Variants in GPR158 observed in about 807,000 individuals in gnomAD.
GPR158 encodes metabotropic glycine receptor.
In GPR158, 30 loss-of-function variants were observed where a neutral mutation model predicts 78.2. The ratio of observed to expected loss-of-function variants is 0.38; its 90% CI spans 0.29 to 0.52. The LOEUF is 0.52. Ranked by LOEUF, GPR158 falls within the 20% of genes least tolerant of loss-of-function variation. The pLI is 0.83. For synonymous variants in GPR158, 581 were observed against 591.1 expected, an observed-to-expected ratio of 0.98 and a Z score of 0.25; for missense variants, 1,463 against 1,523.5, an observed-to-expected ratio of 0.96 and a Z score of 0.66.
chr10:25,593,626 T>C (rs1172750272), intron 8 of GPR158, among the ~76,000 whole-genome samples: 4 of 151,984 alleles, frequency 2.6e-5, no homozygotes, highest in Non-Finnish European at 5.9e-5. Flanking sequence ...TAGTATTGAA[T>C]TTCTCCTCAC....
chr10:25,382,834 A>T (rs1461596406), intron 2 of GPR158, among the ~76,000 whole-genome samples: 1 of 151,730 alleles, frequency 6.6e-6, no homozygotes, highest in Non-Finnish European at 1.5e-5. Flanking sequence ...TTTTATTTTT[A>T]TTTATTTATT....
Position 25,368,384 on chromosome 10 carries a change from G to T in GPR158, c.1009-27527G>T, listed in dbSNP as rs1234958437. Among the ~76,000 whole-genome samples, 4 of 151,736 alleles carry T rather than the reference G, an allele frequency of 2.6e-5. 1 individual carries two copies. Among genetic ancestry groups the T allele is most frequent in the South Asian group, 2.1e-4 (1 of 4,820 alleles). On this transcript the variant is annotated intron_variant, in intron 2 of 10. Transcript: ENST00000376351. ...TATATCTAGCATCTATGAGAAATTTGTAAGAAAAAAGCAAATAACCTCATT... is the reference window on the plus strand; with the variant it reads ...TATATCTAGCATCTATGAGAAATTTTTAAGAAAAAAGCAAATAACCTCATT...
At chr10:25,562,301 T>A (rs1836870514) in intron 6 of GPR158, among the ~76,000 whole-genome samples, 1 of 152,126 alleles carries the variant, frequency 6.6e-6, no homozygotes, top group African/African-American at 2.4e-5. Flanking sequence ...ATTTCAATTA[T>A]TTTCACTCTA....
chr10:25,331,458 T>A lies in GPR158; in HGVS notation c.1009-64453T>A, dbSNP rs541311589. Among the ~76,000 whole-genome samples the A allele has an allele frequency of 3.2e-4, 48 of 152,332 alleles. No individual in the cohort carries two copies. In the South Asian group the frequency reaches 3.7e-3, roughly 12 times the overall value. On this transcript the variant is annotated intron_variant, in intron 2 of 10. Transcript: ENST00000376351. ...ATAACTTAATGTTGTTTTGGTGTGATCAGCTGGTTTTGATCTGTCTAGCAT... is the reference window on the plus strand; with the variant it reads ...ATAACTTAATGTTGTTTTGGTGTGAACAGCTGGTTTTGATCTGTCTAGCAT...
At chr10:25,571,521 C>T (rs1383979838) in intron 6 of GPR158, among the ~76,000 whole-genome samples, 8 of 152,082 alleles carry the variant, frequency 5.3e-5, no homozygotes, top group Admixed American at 2.6e-4. Context: ...GAGAATAGAA[C>T]ATTGAGAAAA....
chr10:25,386,961 T>G (rs751952605), intron 2 of GPR158, among the ~76,000 whole-genome samples: 6 of 152,194 alleles, frequency 3.9e-5, no homozygotes, highest in Non-Finnish European at 8.8e-5. Flanking sequence ...TTGGATGCCC[T>G]TTAGTTTTTT....
intron 2 of GPR158, among the ~76,000 whole-genome samples, chr10:25,230,718 A>G (rs756041234): frequency 1.3e-5 from 2 of 152,192 alleles, no homozygotes; most frequent in African/African-American, 4.8e-5. Context: ...GTTTACCTCA[A>G]TGTAACTGGA....
chr10:25,582,794 G>T (rs1351272972), intron 7 of GPR158, among the ~76,000 whole-genome samples: 3 of 152,096 alleles, frequency 2.0e-5, no homozygotes, highest in African/African-American at 7.2e-5. Flanking sequence ...ACAGTGCCCG[G>T]GTCCATTCAA....
chr10:25,483,558 G>A (rs1397459071), intron 5 of GPR158, among the ~76,000 whole-genome samples: 2 of 151,706 alleles, frequency 1.3e-5, no homozygotes, highest in Admixed American at 1.3e-4. Context: ...TTTCTTACAC[G>A]TACTTATTTA....
chr10:25,219,031 T>A (rs1297048292), intron 1 of GPR158, among the ~76,000 whole-genome samples: 1 of 152,140 alleles, frequency 6.6e-6, no homozygotes, highest in African/African-American at 2.4e-5. Context: ...ACTGAATCAG[T>A]GAAAGAAAGT....
In GPR158 at chr10:25,228,806, C is replaced by T. The variant is rs186299016; in HGVS notation, c.1008+7649C>T. ...CAGCACTTTGGGAGGCCAAGGCAGACGGATCACGAGGTCAGGAGATGGAAA... is the reference window on the plus strand; with the variant it reads ...CAGCACTTTGGGAGGCCAAGGCAGATGGATCACGAGGTCAGGAGATGGAAA... On this transcript the variant is annotated intron_variant, in intron 2 of 10. Coordinates refer to ENST00000376351, the MANE Select transcript of GPR158 (RefSeq NM_020752.3). Among the ~76,000 whole-genome samples the T allele has an allele frequency of 4.3e-3, 646 of 151,962 alleles. 4 individuals are homozygous for T. The highest frequency in any genetic ancestry group is 0.014 in the African/African-American group (565 of 41,446).
intron 5 of GPR158, among the ~76,000 whole-genome samples, chr10:25,495,295 CTTTTTTTTTTT>C (rs71399976): frequency 3.3e-5 from 3 of 91,096 alleles, no homozygotes; most frequent in African/African-American, 1.3e-4. Flanking sequence ...TTCTTTTCTG[CTTTTTTTTTTT>C]TTTTTTTTTG....
At chr10:25,492,669 G>A (rs954993312) in intron 5 of GPR158, among the ~76,000 whole-genome samples, 2 of 151,908 alleles carry the variant, frequency 1.3e-5, no homozygotes, top group South Asian at 2.1e-4. Context: ...TAATGTGAAC[G>A]TGGTCCATGC....
chr10:25,412,463 G>T lies in GPR158; in HGVS notation c.1325G>T (p.Arg442Leu), dbSNP rs747936646. 1.2e-6 allele frequency: 2 copies of T among 1,611,910 alleles called. No individual in the cohort carries two copies. The highest frequency in any genetic ancestry group is 1.7e-6 in the Non-Finnish European group (2 of 1,178,286). Residue 442 changes from arginine (R) to leucine (L), a missense_variant, in exon 4 of 11, where the codon CGC becomes CTC. Physicochemically the swap from Arg to Leu is moderately radical, Grantham distance 102. Coordinates refer to ENST00000376351, the MANE Select transcript of GPR158 (RefSeq NM_020752.3). ...AGCATGCTGGTGGTCTACCACTTTC[G>T]CAAAGCAAAGGTAAACCCAGGAACC... ...FVSMLVVYHFRKAKSIRASGL... is the reference protein window; with the variant it reads ...FVSMLVVYHFLKAKSIRASGL...
At chr10:25,252,656 A>G (rs1167357662) in intron 2 of GPR158, among the ~76,000 whole-genome samples, 2 of 152,162 alleles carry the variant, frequency 1.3e-5, no homozygotes, top group Non-Finnish European at 2.9e-5. Flanking sequence ...CCACTTGAAG[A>G]GGCAGTCTGC....
chr10:25,374,374 A>T (rs994188605), intron 2 of GPR158, among the ~76,000 whole-genome samples: 3 of 151,648 alleles, frequency 2.0e-5, no homozygotes, highest in Non-Finnish European at 4.4e-5. Flanking sequence ...TAATATCAAA[A>T]CTAGGAAACT....
chr10:25,195,650 C>A (rs193276431), intron 1 of GPR158, among the ~76,000 whole-genome samples: 49 of 152,256 alleles, frequency 3.2e-4, no homozygotes, highest in African/African-American at 1.1e-3. Context: ...AAATTATTGA[C>A]CTTTTGGATT....
chr10:25,211,664 C>A (rs1433949489), intron 1 of GPR158, among the ~76,000 whole-genome samples: 1 of 151,918 alleles, frequency 6.6e-6, no homozygotes, highest in Non-Finnish European at 1.5e-5. Flanking sequence ...ACATTTAAGC[C>A]ATAGCATTTA....
chr10:25,568,964 C>A (rs1836967852), intron 6 of GPR158, among the ~76,000 whole-genome samples: 1 of 152,156 alleles, frequency 6.6e-6, no homozygotes, highest in Non-Finnish European at 1.5e-5. Flanking sequence ...CATACAAATG[C>A]ATGTCTACAT....
Sources: gnomAD v4.1 joint callset for allele counts (sites outside exome capture counted in the v4.1 genomes callset) on GRCh38, gnomAD v4.1.1 for gene constraint, MANE v1.5 for transcripts, NCBI Gene and HGNC (gene_info 2026-07-23, HGNC 2026-07-21) for gene names.